Variants in TGS1 observed in about 807,000 individuals in gnomAD.
TGS1 encodes the protein trimethylguanosine synthase 1.
Under a neutral mutation model 92.2 loss-of-function variants are expected in TGS1, and 69 were observed. That is an observed-to-expected ratio of 0.75 (90% CI 0.62 to 0.91). The LOEUF (loss-of-function observed/expected upper bound fraction) is 0.91. TGS1 is among the 40% of genes least tolerant of loss of function. The pLI, the probability that TGS1 is intolerant of heterozygous loss-of-function variation, is 0.00. For synonymous variants in TGS1, 345 were observed against 338.1 expected (o/e 1.02, Z -0.22); for missense variants, 1,062 against 1,001.2 (o/e 1.06, Z -0.82).
chr8:55,811,766 A>T (rs1216329705), intron 11 of TGS1, among the ~76,000 whole-genome samples: 2 of 152,158 alleles, frequency 1.3e-5, no homozygotes, highest in Non-Finnish European at 2.9e-5. Flanking sequence ...ATTTCAAAAA[A>T]TAGGGAGAGA....
rs148830309 is a variant in TGS1, at chr8:55,786,599, A to G, written c.701A>G (p.Lys234Arg). ...GAACCTTGGAACTTTCCTGATACAA[A>G]GGAAGAATGGGAGCAACATTATAGT... ...SSEPWNFPDTKEEWEQHYSQL... is the reference protein window; with the variant it reads ...SSEPWNFPDTREEWEQHYSQL... Residue 234 changes from lysine to arginine, a missense_variant, in exon 4 of 13, where the codon AAG becomes AGG. Transcript: ENST00000260129. 1,882 of 1,614,230 alleles carry G rather than the reference A, an allele frequency of 1.2e-3. 32 individuals carry two copies. The South Asian group carries it at 0.017, about 15-fold the overall frequency.
At chr8:55,802,106 A>G (rs1812233663) in intron 8 of TGS1, among the ~76,000 whole-genome samples, 1 of 152,084 alleles carries the variant, frequency 6.6e-6, no homozygotes, top group South Asian at 2.1e-4. Context: ...AGGCAGGAGA[A>G]TGGTGTGAAC....
chr8:55,813,031 G>T lies in TGS1; in HGVS notation c.2361-9G>T. On this transcript the variant is annotated splice_polypyrimidine_tract_variant and intron_variant, in intron 11 of 12. Coordinates refer to ENST00000260129, the MANE Select transcript of TGS1 (RefSeq NM_024831.8). ...CTGTTTTCATTATTTTTCCTTAACT[G>T]CTGTCCACCTTTGAAATTTTCAGAC... is the stretch of plus-strand genomic sequence containing the variant. 1 of 1,585,474 alleles carries T rather than the reference G, an allele frequency of 6.3e-7. No homozygotes were observed. The highest frequency in any genetic ancestry group is 8.7e-7 in the Non-Finnish European group (1 of 1,155,588).
chr8:55,822,693 T>G (rs1563473824), intron 12 of TGS1, among the ~76,000 whole-genome samples: 1 of 151,566 alleles, frequency 6.6e-6, no homozygotes, highest in Non-Finnish European at 1.5e-5. Flanking sequence ...TAAGTATTCC[T>G]TACAAAAAAA....
At chr8:55,780,175 T>G (rs1376208) in intron 1 of TGS1, among the ~76,000 whole-genome samples, 74 of 127,412 alleles carry the variant, frequency 5.8e-4, no homozygotes, top group African/African-American at 1.9e-3. Context: ...TTTTTTTTTT[T>G]CTTTTTTTTT....
chr8:55,814,673 AAATATATATAT>A (rs1469184828), intron 12 of TGS1, among the ~76,000 whole-genome samples: 180 of 134,556 alleles, frequency 1.3e-3, no homozygotes, highest in African/African-American at 5.2e-3. Flanking sequence ...AAAAAAAAAA[AAATATATATAT>A]ATATATATAT....
At chr8:55,799,866 G>A (rs1189831839) in intron 8 of TGS1, among the ~76,000 whole-genome samples, 3 of 152,140 alleles carry the variant, frequency 2.0e-5, no homozygotes, top group Non-Finnish European at 4.4e-5. Flanking sequence ...GAGCCACCAT[G>A]CTCAGGCTGG....
chr8:55,776,030 AC>A (rs1358481515), intron 1 of TGS1, among the ~76,000 whole-genome samples: 2 of 152,142 alleles, frequency 1.3e-5, no homozygotes, highest in African/African-American at 4.8e-5. Flanking sequence ...AGAACCGCAG[AC>A]AAAACCCCTC....
chr8:55,786,096 A>G (rs1811701250), intron 3 of TGS1, 142 bp from the exon 4 acceptor site: 3 of 697,220 alleles, frequency 4.3e-6, no homozygotes, highest in Non-Finnish European at 7.0e-6. Flanking sequence ...CTTAGATAGT[A>G]TATCACTTGT....
At chr8:55,816,865 T>A (rs6992839) in intron 12 of TGS1, among the ~76,000 whole-genome samples, 116,967 of 147,152 alleles carry the variant, frequency 0.79, 46,266 homozygotes, top group African/African-American at 0.82. Context: ...ATTTTATTTA[T>A]TTTTTTTTTT....
At chr8:55,779,218 C>A (rs1375155536) in intron 1 of TGS1, among the ~76,000 whole-genome samples, 1 of 152,118 alleles carries the variant, frequency 6.6e-6, no homozygotes, top group Non-Finnish European at 1.5e-5. Context: ...TCTTCAAATG[C>A]CAGGCATTAG....
rs1397006197 is a variant in TGS1, at chr8:55,825,841, A to G, written c.*1138A>G. 6.6e-6 allele frequency among the ~76,000 whole-genome samples: 1 copy of G among 151,914 alleles called. No homozygotes were observed. The highest frequency in any genetic ancestry group is 1.5e-5 in the Non-Finnish European group (1 of 67,986). ...AATTCGCAATTTCAAAATCTGTCCA[A>G]ATGTTCTTGGTTTTTAAACTTTATG... On this transcript the variant is annotated 3_prime_UTR_variant, in exon 13 of 13. Coordinates refer to ENST00000260129, the MANE Select transcript of TGS1 (RefSeq NM_024831.8).
At chr8:55,802,158 C>T (rs1387647250) in intron 8 of TGS1, among the ~76,000 whole-genome samples, 2 of 152,176 alleles carry the variant, frequency 1.3e-5, no homozygotes, top group East Asian at 3.9e-4. Context: ...CGTGCCACTG[C>T]ACTCCAGCAT....
intron 12 of TGS1, 147 bp from the exon 13 acceptor site, chr8:55,824,434 G>A: frequency 1.0e-6 from 1 of 955,670 alleles, no homozygotes; most frequent in East Asian, 2.6e-5. Context: ...CGATGCCTGG[G>A]AAGTAGCAGT....
At chr8:55,804,793 C>T in intron 9 of TGS1, 100 bp from the exon 10 acceptor site, 1 of 1,017,512 alleles carries the variant, frequency 9.8e-7, no homozygotes, top group Non-Finnish European at 1.4e-6. Context: ...GGAAACTAAG[C>T]TTTTTAAAAG....
chr8:55,793,259 A>G (rs11996908), intron 6 of TGS1, among the ~76,000 whole-genome samples: 24,239 of 152,224 alleles, frequency 0.16, 2,322 homozygotes, highest in African/African-American at 0.27. Context: ...GTCGTTCTCA[A>G]ATGTAGGCAG....
chr8:55,792,922 G>A, intron 6 of TGS1, 138 bp downstream of exon 6: 2 of 623,466 alleles, frequency 3.2e-6, no homozygotes, highest in South Asian at 4.0e-5. Flanking sequence ...TAGAATTGTG[G>A]TAGAGATATC....
chr8:55,811,890 T>G (rs1474998647), intron 11 of TGS1, among the ~76,000 whole-genome samples: 1 of 152,200 alleles, frequency 6.6e-6, no homozygotes, highest in African/African-American at 2.4e-5. Flanking sequence ...CCAAAAGTAA[T>G]GACAAATATG....
chr8:55,774,896 C>T (rs1452621890), intron 1 of TGS1, among the ~76,000 whole-genome samples: 1 of 152,130 alleles, frequency 6.6e-6, no homozygotes, highest in African/African-American at 2.4e-5. Flanking sequence ...AAAGCGTTCT[C>T]TGCAGGCTGA....
Sources: allele counts gnomAD v4.1 joint callset (sites outside exome capture counted in the v4.1 genomes callset), GRCh38; gene constraint gnomAD v4.1.1; transcripts MANE v1.5; gene names NCBI Gene and HGNC (gene_info 2026-07-23, HGNC 2026-07-21).